Variants in RANBP17 observed in about 807,000 individuals in gnomAD.
The protein encoded by RANBP17 is RAN binding protein 17.
A neutral mutation model predicts 141.2 loss-of-function variants in RANBP17; 158 were observed. That is an observed-to-expected ratio of 1.12 (90% CI 0.98 to 1.28). RANBP17 has a LOEUF of 1.28. Among genes scored for constraint, RANBP17 ranks in the 50% most tolerant of loss-of-function variants. RANBP17 has a pLI of 0.00. For synonymous variants in RANBP17, 430 were observed against 450.0 expected, an observed-to-expected ratio of 0.96 and a Z score of 0.56; for missense variants, 1,438 against 1,290.7, an observed-to-expected ratio of 1.11 and a Z score of -1.75.
chr5:170,926,811 T>C (rs1772967130), intron 12 of RANBP17, among the ~76,000 whole-genome samples: 1 of 152,206 alleles, frequency 6.6e-6, no homozygotes, highest in African/African-American at 2.4e-5. Flanking sequence ...AGTTTCTATA[T>C]GCATATACAA....
intron 14 of RANBP17, among the ~76,000 whole-genome samples, chr5:171,162,496 G>T (rs1049163151): frequency 6.6e-6 from 1 of 152,174 alleles, no homozygotes; most frequent in Non-Finnish European, 1.5e-5. Context: ...TGTTGAACAG[G>T]TGGTAGTTAG....
intron 14 of RANBP17, among the ~76,000 whole-genome samples, chr5:171,159,450 C>T (rs1759161625): frequency 6.6e-6 from 1 of 152,146 alleles, no homozygotes; most frequent in Non-Finnish European, 1.5e-5. Flanking sequence ...GAGAAGCAAC[C>T]TAGAACCAAT....
chr5:171,169,797 C>T (rs1759969820), intron 14 of RANBP17, among the ~76,000 whole-genome samples: 2 of 151,366 alleles, frequency 1.3e-5, no homozygotes, highest in South Asian at 2.1e-4. Context: ...CTTTCCAGCC[C>T]TTTGCATACC....
chr5:170,933,391 G>T (rs1773568695), intron 12 of RANBP17, among the ~76,000 whole-genome samples: 1 of 151,944 alleles, frequency 6.6e-6, no homozygotes, highest in African/African-American at 2.4e-5. Flanking sequence ...TTTTTTGAAG[G>T]GTTTTTTGTG....
intron 14 of RANBP17, among the ~76,000 whole-genome samples, chr5:171,146,077 G>T (rs375984798): frequency 6.6e-6 from 1 of 152,186 alleles, no homozygotes; most frequent in East Asian, 1.9e-4. Context: ...CACAGCCAAG[G>T]AGGAATGCCT....
At chr5:171,158,784 G>A (rs1298787974) in intron 14 of RANBP17, among the ~76,000 whole-genome samples, 1 of 151,944 alleles carries the variant, frequency 6.6e-6, no homozygotes, top group Non-Finnish European at 1.5e-5. Flanking sequence ...TTTTTATCTG[G>A]TCATTTGCAT....
intron 14 of RANBP17, among the ~76,000 whole-genome samples, chr5:170,983,453 C>G (rs1251974380): frequency 2.6e-5 from 4 of 152,144 alleles, no homozygotes; most frequent in African/African-American, 7.2e-5. Context: ...ATCATAGTAC[C>G]ATGGAACTTA....
rs541413898 is a variant in RANBP17, at chr5:170,957,035, A to T, written c.1574+3333A>T. On this transcript the variant is annotated intron_variant, in intron 13 of 27. Transcript: ENST00000523189. ...CAGTGAGCCGAGATCGTGCCACTGC[A>T]CCCCAGCCTGGGCAACAGAGCGAGA... 1.1e-4 allele frequency among the ~76,000 whole-genome samples: 16 copies of T among 149,444 alleles called. No individual in the cohort carries two copies. The East Asian group carries it at 3.2e-3, about 30-fold the overall frequency.
At chr5:171,261,915 C>G (rs1424722839) in intron 24 of RANBP17, among the ~76,000 whole-genome samples, 3 of 152,276 alleles carry the variant, frequency 2.0e-5, no homozygotes, top group East Asian at 3.9e-4. Context: ...CCCTGTGATC[C>G]TTATGATTCC....
chr5:171,092,728 G>C (rs184311191), intron 14 of RANBP17, among the ~76,000 whole-genome samples: 1 of 152,274 alleles, frequency 6.6e-6, no homozygotes, highest in East Asian at 1.9e-4. Flanking sequence ...TTCTGATGAA[G>C]TCCTTCCAGC....
chr5:171,241,164 G>T (rs770045016), intron 23 of RANBP17, 22 bp downstream of exon 23: 1 of 1,571,046 alleles, frequency 6.4e-7, no homozygotes, highest in Admixed American at 1.7e-5. Context: ...TGCATCATGG[G>T]AGTGTTTGTA....
intron 14 of RANBP17, among the ~76,000 whole-genome samples, chr5:171,092,779 T>C (rs1786399397): frequency 1.3e-5 from 2 of 152,220 alleles, no homozygotes; most frequent in Non-Finnish European, 1.5e-5. Context: ...ATTCACCCCA[T>C]AGTAATGAAG....
intron 16 of RANBP17, among the ~76,000 whole-genome samples, chr5:171,174,473 A>T (rs1047586625): frequency 1.3e-5 from 2 of 152,212 alleles, no homozygotes; most frequent in African/African-American, 4.8e-5. Flanking sequence ...ATACAGAGCA[A>T]TCAAGTAAAC....
chr5:171,128,261 A>G (rs1252919289), intron 14 of RANBP17, among the ~76,000 whole-genome samples: 1 of 152,266 alleles, frequency 6.6e-6, no homozygotes, highest in East Asian at 1.9e-4. Flanking sequence ...AGTATCCATC[A>G]ATGAATGAAT....
chr5:171,142,524 A>G (rs969776058), intron 14 of RANBP17, among the ~76,000 whole-genome samples: 88 of 152,270 alleles, frequency 5.8e-4, no homozygotes, highest in African/African-American at 2.1e-3. Context: ...TAATTATTGC[A>G]AATTTGCTTT....
At chr5:171,232,070 C>T (rs887153764) in intron 22 of RANBP17, among the ~76,000 whole-genome samples, 11 of 152,132 alleles carry the variant, frequency 7.2e-5, no homozygotes, top group Admixed American at 2.0e-4. Context: ...ATTCAAATTT[C>T]ACCTATGCTC....
chr5:171,175,798 A>G (rs1157470964), intron 16 of RANBP17, among the ~76,000 whole-genome samples: 1 of 151,744 alleles, frequency 6.6e-6, no homozygotes, highest in Non-Finnish European at 1.5e-5. Flanking sequence ...GAGTTTATCC[A>G]AACTTTTTTT....
rs1770205898 is a variant in RANBP17 at position 170,897,199 on chromosome 5, T to C, written c.489+1084T>C. On this transcript the variant is annotated intron_variant, in intron 5 of 27. Coordinates refer to ENST00000523189, the MANE Select transcript of RANBP17 (RefSeq NM_022897.5). ...CTTATGGCTCCGGAAATAATTGGGC[T>C]GTGGATCACAAAGTTTTTGGCAGTC... 3 of 709,362 alleles carry C rather than the reference T, an allele frequency of 4.2e-6. No individual in the cohort carries two copies. The Admixed American group carries it at 5.4e-5, about 13-fold the overall frequency. The allele number at this position is 709,362 out of a possible 1,614,324, so 43.9% of individuals were successfully genotyped here.
chr5:170,993,913 A>G (rs1331725395), intron 14 of RANBP17, among the ~76,000 whole-genome samples: 1 of 152,026 alleles, frequency 6.6e-6, no homozygotes, highest in East Asian at 1.9e-4. Context: ...TTTTTTCCAA[A>G]ATAAACTTGG....
Sources: gnomAD v4.1 joint callset for allele counts (sites outside exome capture counted in the v4.1 genomes callset) on GRCh38, gnomAD v4.1.1 for gene constraint, MANE v1.5 for transcripts, NCBI Gene and HGNC (gene_info 2026-07-23, HGNC 2026-07-21) for gene names.